The following PDE3A variants were observed in gnomAD, a reference collection of about 807,000 sequenced individuals.
The protein encoded by PDE3A is phosphodiesterase 3A, also known as cGMP-inhibited 3',5'-cyclic phosphodiesterase 3A.
In PDE3A, 43 loss-of-function variants were observed where a neutral mutation model predicts 98.3. The ratio of observed to expected loss-of-function variants is 0.44; its 90% confidence interval spans 0.34 to 0.56. The LOEUF (loss-of-function observed/expected upper bound fraction) is 0.56, where lower values mean the gene tolerates loss of function less well. Ranked by LOEUF, PDE3A falls within the 20% of genes least tolerant of loss-of-function variation. PDE3A has a pLI of 0.01. For synonymous variants in PDE3A, 663 were observed against 567.9 expected, an observed-to-expected ratio of 1.17 and a Z score of -2.38; for missense variants, 1,427 against 1,440.7, an observed-to-expected ratio of 0.99 and a Z score of 0.15.
chr12:20,417,343 A>G (rs1390975731), intron 1 of PDE3A, among the ~76,000 whole-genome samples: 1 of 152,218 alleles, frequency 6.6e-6, no homozygotes. Context: ...AGTTTTAAAA[A>G]TTGATTTATT....
At chr12:20,515,250 A>C (rs1946296091) in intron 1 of PDE3A, among the ~76,000 whole-genome samples, 1 of 152,238 alleles carries the variant, frequency 6.6e-6, no homozygotes, top group South Asian at 2.1e-4. Context: ...AATATATGTT[A>C]AGGGCCTACT....
intron 12 of PDE3A, among the ~76,000 whole-genome samples, chr12:20,648,070 A>G (rs7485719): frequency 0.67 from 101,281 of 150,914 alleles, 34,183 homozygotes; most frequent in East Asian, 0.87. Flanking sequence ...GAGAATTTCA[A>G]ACAAGTAAAT....
chr12:20,616,815 G>A (rs1288377625), intron 4 of PDE3A, among the ~76,000 whole-genome samples: 2 of 152,014 alleles, frequency 1.3e-5, no homozygotes, highest in Admixed American at 6.6e-5. Context: ...AAAGACAAAA[G>A]AGCAAATCAA....
chr12:20,628,681 T>C (rs549169392), intron 5 of PDE3A, among the ~76,000 whole-genome samples: 5 of 152,310 alleles, frequency 3.3e-5, no homozygotes, highest in African/African-American at 1.2e-4. Context: ...TAGAAGGGGT[T>C]GCTGCTCTTC....
At chr12:20,637,318 C>A in intron 9 of PDE3A, 81 bp downstream of exon 9, 2 of 1,041,620 alleles carry the variant, frequency 1.9e-6, no homozygotes, top group Non-Finnish European at 2.8e-6. Flanking sequence ...AAATTCTTGA[C>A]ACTTGTGGAT....
At chr12:20,627,048 T>C (rs895630716) in intron 5 of PDE3A, among the ~76,000 whole-genome samples, 25 of 149,166 alleles carry the variant, frequency 1.7e-4, no homozygotes, top group African/African-American at 5.7e-4. Flanking sequence ...AACTTAGCAA[T>C]GAAAAAATCA....
At chr12:20,601,429 G>A (rs1369391024) in intron 2 of PDE3A, among the ~76,000 whole-genome samples, 4 of 152,072 alleles carry the variant, frequency 2.6e-5, no homozygotes, top group Admixed American at 2.0e-4. Flanking sequence ...ATTGCATATG[G>A]GGCAGGAAAA....
At chr12:20,602,835 A>ATTTT (rs1432419824) in intron 2 of PDE3A, among the ~76,000 whole-genome samples, 1 of 152,188 alleles carries the variant, frequency 6.6e-6, no homozygotes, top group Non-Finnish European at 1.5e-5. Flanking sequence ...ACATGATTTC[A>ATTTT]TTTTTTAAAA....
chr12:20,478,431 A>G (rs997346489), intron 1 of PDE3A, among the ~76,000 whole-genome samples: 1 of 152,226 alleles, frequency 6.6e-6, no homozygotes, highest in African/African-American at 2.4e-5. Flanking sequence ...ATAATTAATA[A>G]GTACTGGATC....
chr12:20,668,556 G>C (rs1046884859), intron 15 of PDE3A, among the ~76,000 whole-genome samples: 80 of 152,320 alleles, frequency 5.3e-4, no homozygotes, highest in African/African-American at 1.9e-3. Flanking sequence ...CCCCTGAGCA[G>C]CCTAACTGGG....
chr12:20,613,405 C>G (rs774732572), intron 2 of PDE3A, 38 bp from the exon 3 acceptor site: 1 of 1,606,450 alleles, frequency 6.2e-7, no homozygotes, highest in Non-Finnish European at 8.5e-7. Context: ...CAGATTCAGG[C>G]CTTTTCTTGC....
rs1035074526 is a variant in PDE3A at position 20,685,997 on chromosome 12, C to T, written c.*5726C>T. 1.3e-5 allele frequency among the ~76,000 whole-genome samples: 2 copies of T among 151,986 alleles called. No homozygotes were observed. Among genetic ancestry groups the T allele is most frequent in the Non-Finnish European group, 2.9e-5 (2 of 67,986 alleles). ...TTTTAATTTTTAACTTAAAATGAAA[C>T]CCACAAAATGACATTCCGTGGTACT... is the stretch of plus-strand genomic sequence containing the variant. On this transcript the variant is annotated 3_prime_UTR_variant, in exon 16 of 16. Coordinates refer to ENST00000359062, the MANE Select transcript of PDE3A (RefSeq NM_000921.5).
At chr12:20,422,943 A>G (rs939108518) in intron 1 of PDE3A, among the ~76,000 whole-genome samples, 1 of 152,136 alleles carries the variant, frequency 6.6e-6, no homozygotes, top group Non-Finnish European at 1.5e-5. Context: ...AATTTGTTAT[A>G]TTATGTTACA....
intron 15 of PDE3A, among the ~76,000 whole-genome samples, chr12:20,655,443 G>C (rs7971159): frequency 0.026 from 3,937 of 152,226 alleles, 147 homozygotes; most frequent in African/African-American, 0.089. Context: ...GACAGAGGCA[G>C]CCGGGAACGA....
chr12:20,470,543 G>A (rs1945419034), intron 1 of PDE3A, among the ~76,000 whole-genome samples: 1 of 152,082 alleles, frequency 6.6e-6, no homozygotes, highest in Admixed American at 6.6e-5. Flanking sequence ...TTTGCAAATG[G>A]TCAGGAAAGT....
intron 1 of PDE3A, among the ~76,000 whole-genome samples, chr12:20,498,638 A>G (rs1945968072): frequency 6.6e-6 from 1 of 152,170 alleles, no homozygotes; most frequent in Non-Finnish European, 1.5e-5. Context: ...ATGGATATCA[A>G]GAGATGACTG....
At chr12:20,656,412 T>C (rs967350362) in intron 15 of PDE3A, among the ~76,000 whole-genome samples, 1 of 152,236 alleles carries the variant, frequency 6.6e-6, no homozygotes, top group Non-Finnish European at 1.5e-5. Context: ...AATTGAGTTT[T>C]AGATCAGATC....
chr12:20,591,753 T>C (rs2121378532), intron 2 of PDE3A, among the ~76,000 whole-genome samples: 1 of 152,318 alleles, frequency 6.6e-6, no homozygotes, highest in East Asian at 1.9e-4. Flanking sequence ...GCATTTTAAC[T>C]TATCTCATGA....
In PDE3A at chr12:20,369,811, T is replaced by C. The variant is rs1371723034; in HGVS notation, c.527T>C (p.Ile176Thr). The C allele has an allele frequency of 1.6e-5, 25 of 1,611,962 alleles. No homozygotes were observed. The highest frequency in any genetic ancestry group is 2.2e-5 in the East Asian group (1 of 44,760). Residue 176 changes from isoleucine to threonine, a missense_variant, in exon 1 of 16, where the codon ATT becomes ACT. Ile to Thr is a moderately conservative substitution (Grantham distance 89). Transcript: ENST00000359062. ...ACCGGEALVQ[I>T]GLGVGEDHLL... ...TGCGGGGGGGAAGCGCTCGTCCAGA[T>C]TGGGCTGGGCGTCGGGGAGGATCAC... is the stretch of plus-strand genomic sequence containing the variant.
Sources: allele counts gnomAD v4.1 joint callset (sites outside exome capture counted in the v4.1 genomes callset), GRCh38; gene constraint gnomAD v4.1.1; transcripts MANE v1.5; gene names NCBI Gene and HGNC (gene_info 2026-07-23, HGNC 2026-07-21).